The following PDE4D variants were observed in gnomAD, a reference collection of about 807,000 sequenced individuals.
PDE4D encodes 3',5'-cyclic-AMP phosphodiesterase 4D.
Under a neutral mutation model 87.4 loss-of-function variants are expected in PDE4D, and 24 were observed. That is an observed-to-expected ratio of 0.27 (90% confidence interval 0.20 to 0.39). The LOEUF (loss-of-function observed/expected upper bound fraction) is 0.39, where lower values mean the gene tolerates loss of function less well. Among genes scored for constraint, PDE4D ranks in the 10% least tolerant of loss-of-function variants. The pLI is 1.00. For synonymous variants in PDE4D, 384 were observed against 383.2 expected (o/e 1.00, Z -0.02); for missense variants, 714 against 1,041.0 (o/e 0.69, Z 4.32).
chr5:59,915,263 A>G (rs1267874572), intron 3 of PDE4D, among the ~76,000 whole-genome samples: 1 of 152,214 alleles, frequency 6.6e-6, no homozygotes, highest in Non-Finnish European at 1.5e-5. Flanking sequence ...GCAGAATGGA[A>G]CAGTCTGAGG....
intron 5 of PDE4D, among the ~76,000 whole-genome samples, chr5:59,045,558 A>G (rs1760478725): frequency 2.5e-5 from 1 of 39,786 alleles, no homozygotes; most frequent in African/African-American, 1.2e-4. Context: ...CTCTGTCTCA[A>G]AAAAAAAAAA....
chr5:59,947,599 A>G (rs1757857325), intron 3 of PDE4D, among the ~76,000 whole-genome samples: 1 of 152,226 alleles, frequency 6.6e-6, no homozygotes, highest in African/African-American at 2.4e-5. Flanking sequence ...TGCTGCTGAA[A>G]GCCGATAAGA....
At chr5:60,332,306 A>G (rs6449467) in intron 1 of PDE4D, among the ~76,000 whole-genome samples, 34,692 of 152,080 alleles carry the variant, frequency 0.23, 4,402 homozygotes, top group East Asian at 0.48. Flanking sequence ...TAGTATCCAA[A>G]AGGAAGTTGT....
intron 5 of PDE4D, among the ~76,000 whole-genome samples, chr5:59,072,765 T>C (rs759194716): frequency 6.6e-6 from 1 of 152,236 alleles, no homozygotes; most frequent in Non-Finnish European, 1.5e-5. Context: ...TTATAGATCT[T>C]CTTTGTGAGT....
At chr5:60,355,976 T>C (rs1454672060) in intron 1 of PDE4D, among the ~76,000 whole-genome samples, 1 of 152,122 alleles carries the variant, frequency 6.6e-6, no homozygotes, top group East Asian at 1.9e-4. Context: ...TCAACTGTAC[T>C]TCACTTTATC....
chr5:59,276,008 C>T (rs1341909717), intron 1 of PDE4D: 24 of 984,316 alleles, frequency 2.4e-5, no homozygotes, highest in Non-Finnish European at 2.8e-5. Flanking sequence ...GCTTAGAATC[C>T]AGGGTTTTGT....
chr5:59,041,935 G>A (rs1174267071), intron 5 of PDE4D, among the ~76,000 whole-genome samples: 2 of 152,192 alleles, frequency 1.3e-5, no homozygotes, highest in African/African-American at 4.8e-5. Flanking sequence ...AGTGACAGGA[G>A]GAACAATTTA....
chr5:59,392,665 A>G (rs1582340658), intron 1 of PDE4D, among the ~76,000 whole-genome samples: 1 of 152,038 alleles, frequency 6.6e-6, no homozygotes, highest in Non-Finnish European at 1.5e-5. Flanking sequence ...CATGATAACA[A>G]CTGTGAGGAG....
chr5:59,343,795 C>G (rs1044989418), intron 1 of PDE4D, among the ~76,000 whole-genome samples: 4 of 152,120 alleles, frequency 2.6e-5, no homozygotes, highest in Non-Finnish European at 5.9e-5. Context: ...AGTCCATACA[C>G]TCAATTTCGA....
intron 1 of PDE4D, among the ~76,000 whole-genome samples, chr5:59,517,231 C>T (rs1204167688): frequency 6.6e-6 from 1 of 152,154 alleles, no homozygotes; most frequent in East Asian, 1.9e-4. Context: ...CATCTAACCC[C>T]CATTTCACTA....
chr5:60,516,865 A>G (rs1335689220), intron 1 of PDE4D, among the ~76,000 whole-genome samples: 1 of 152,200 alleles, frequency 6.6e-6, no homozygotes, highest in Non-Finnish European at 1.5e-5. Flanking sequence ...AGGGCTGCAC[A>G]TTCCATGGAG....
At chr5:60,085,120 G>T (rs1054804594) in intron 2 of PDE4D, among the ~76,000 whole-genome samples, 2 of 152,168 alleles carry the variant, frequency 1.3e-5, no homozygotes, top group Non-Finnish European at 2.9e-5. Context: ...TAATGAAGCA[G>T]TTGTCTTTGT....
chr5:59,531,485 T>G (rs1422698621), intron 1 of PDE4D, among the ~76,000 whole-genome samples: 1 of 152,230 alleles, frequency 6.6e-6, no homozygotes, highest in Non-Finnish European at 1.5e-5. Flanking sequence ...AGAAACTTAG[T>G]GATTTAACAA....
chr5:59,618,663 G>C (rs1401351602), intron 1 of PDE4D, among the ~76,000 whole-genome samples: 1 of 152,172 alleles, frequency 6.6e-6, no homozygotes, highest in Non-Finnish European at 1.5e-5. Flanking sequence ...ACAGTCAGGA[G>C]GTGGTGGTAA....
chr5:60,379,750 C>A (rs1042318752), intron 1 of PDE4D, among the ~76,000 whole-genome samples: 1 of 152,160 alleles, frequency 6.6e-6, no homozygotes, highest in Admixed American at 6.5e-5. Context: ...GAAAAAGACA[C>A]CTCTTTCTCC....
Position 59,814,981 on chromosome 5 carries a change from G to A in PDE4D, c.455+78187C>T, listed in dbSNP as rs141354669. Reference sequence around the variant, plus strand: ...AGCACAGAGTCTCAGATATACACACGTTTTTGCACAGAGTCTGGCTAATAA... The same window carrying A: ...AGCACAGAGTCTCAGATATACACACATTTTTGCACAGAGTCTGGCTAATAA... On this transcript the variant is annotated intron_variant, in intron 1 of 14. Transcript: ENST00000340635. Among the ~76,000 whole-genome samples, 16 of 152,250 alleles carry A rather than the reference G, an allele frequency of 1.1e-4. No homozygotes were observed. In the East Asian group the frequency reaches 2.3e-3, roughly 22 times the overall value.
At chr5:59,205,566 C>G (rs1191445883) in intron 2 of PDE4D, among the ~76,000 whole-genome samples, 6 of 150,744 alleles carry the variant, frequency 4.0e-5, no homozygotes, top group African/African-American at 1.5e-4. Context: ...CAGCACTGTC[C>G]AATAGAATAT....
At chr5:60,052,417 A>G (rs1205382878) in intron 2 of PDE4D, among the ~76,000 whole-genome samples, 1 of 152,174 alleles carries the variant, frequency 6.6e-6, no homozygotes, top group African/African-American at 2.4e-5. Context: ...CCATCACATA[A>G]ACAGAACCAA....
At chr5:60,042,787 C>T (rs545678397) in intron 2 of PDE4D, among the ~76,000 whole-genome samples, 2 of 152,224 alleles carry the variant, frequency 1.3e-5, no homozygotes, top group South Asian at 4.1e-4. Flanking sequence ...GAAACCCCAT[C>T]CAAGGGTCAC....
Sources: gnomAD v4.1 joint callset for allele counts (sites outside exome capture counted in the v4.1 genomes callset) on GRCh38, gnomAD v4.1.1 for gene constraint, MANE v1.5 for transcripts, NCBI Gene and HGNC (gene_info 2026-07-23, HGNC 2026-07-21) for gene names.